The following FOXP1 variants were observed in gnomAD, a reference collection of about 807,000 sequenced individuals.
FOXP1 encodes the protein forkhead box P1.
Under a neutral mutation model 98.2 loss-of-function variants are expected in FOXP1, and 15 were observed. That is an observed-to-expected ratio of 0.15 (90% CI 0.10 to 0.24). The LOEUF (loss-of-function observed/expected upper bound fraction) is 0.24. FOXP1 is among the 10% of genes least tolerant of loss of function. The pLI is 1.00. For missense variants in FOXP1, 633 were observed against 848.5 expected (o/e 0.75, Z 3.15); for synonymous variants, 371 against 314.5 (o/e 1.18, Z -1.90).
At chr3:70,964,476 C>T (rs934982453) in intron 20 of FOXP1, among the ~76,000 whole-genome samples, 3 of 152,212 alleles carry the variant, frequency 2.0e-5, no homozygotes, top group Admixed American at 6.5e-5. Context: ...AATAGCATCA[C>T]TTCCATTCAA....
chr3:71,070,760 G>T (rs1471572245), intron 7 of FOXP1, among the ~76,000 whole-genome samples: 1 of 152,150 alleles, frequency 6.6e-6, no homozygotes, highest in African/African-American at 2.4e-5. Context: ...TCCTGTCAGT[G>T]TCAATGGGAA....
At chr3:71,464,114 C>A (rs747133989) in intron 3 of FOXP1, among the ~76,000 whole-genome samples, 1 of 152,122 alleles carries the variant, frequency 6.6e-6, no homozygotes, top group East Asian at 1.9e-4. Flanking sequence ...GCCATCTCTA[C>A]AAGAAATTTA....
chr3:71,186,646 G>T (rs1288854044), intron 6 of FOXP1, among the ~76,000 whole-genome samples: 2 of 152,210 alleles, frequency 1.3e-5, no homozygotes, highest in Non-Finnish European at 2.9e-5. Flanking sequence ...GGGAGGTGGA[G>T]GTTGCAGTGA....
At chr3:71,331,774 A>C (rs1300626697) in intron 4 of FOXP1, among the ~76,000 whole-genome samples, 1 of 152,090 alleles carries the variant, frequency 6.6e-6, no homozygotes, top group African/African-American at 2.4e-5. Context: ...GATTGTAAAT[A>C]CGCCAATCAG....
intron 6 of FOXP1, among the ~76,000 whole-genome samples, chr3:71,171,745 T>C (rs1258331306): frequency 6.6e-6 from 1 of 152,250 alleles, no homozygotes; most frequent in African/African-American, 2.4e-5. Flanking sequence ...AAAATGTGTA[T>C]GTAACAACGT....
chr3:71,269,001 A>C (rs1053565917), intron 5 of FOXP1, among the ~76,000 whole-genome samples: 1 of 152,212 alleles, frequency 6.6e-6, no homozygotes, highest in Non-Finnish European at 1.5e-5. Flanking sequence ...TGGGAAGGTA[A>C]ATGAACGTAG....
At chr3:71,261,098 G>A (rs574004284) in intron 5 of FOXP1, among the ~76,000 whole-genome samples, 5 of 152,216 alleles carry the variant, frequency 3.3e-5, no homozygotes, top group African/African-American at 7.2e-5. Context: ...AAGAGCCCCC[G>A]ATAATATAGT....
intron 5 of FOXP1, among the ~76,000 whole-genome samples, chr3:71,218,223 G>T (rs1042990074): frequency 6.6e-6 from 1 of 152,174 alleles, no homozygotes; most frequent in African/African-American, 2.4e-5. Flanking sequence ...TTTAGAATAT[G>T]ATGTAATAGG....
intron 2 of FOXP1, among the ~76,000 whole-genome samples, chr3:71,564,454 C>T (rs1214269886): frequency 6.6e-6 from 1 of 152,156 alleles, no homozygotes; most frequent in Non-Finnish European, 1.5e-5. Flanking sequence ...CCTTTTAAAC[C>T]CACACAAACA....
intron 3 of FOXP1, among the ~76,000 whole-genome samples, chr3:71,384,746 T>G (rs2080440447): frequency 6.6e-6 from 1 of 151,990 alleles, no homozygotes; most frequent in Non-Finnish European, 1.5e-5. Context: ...AGTGGTGGAG[T>G]GGGTGGCAAT....
chr3:71,519,054 T>A (rs1004590761), intron 2 of FOXP1, among the ~76,000 whole-genome samples: 2 of 152,230 alleles, frequency 1.3e-5, no homozygotes, highest in Non-Finnish European at 2.9e-5. Flanking sequence ...GAGACCAGCC[T>A]GGCCAACACG....
At chr3:71,197,619 T>G (rs985532748) in intron 6 of FOXP1, among the ~76,000 whole-genome samples, 1 of 152,186 alleles carries the variant, frequency 6.6e-6, no homozygotes, top group African/African-American at 2.4e-5. Flanking sequence ...CAGTGCTGCA[T>G]GAATACAGGG....
At position 71,481,201 on chromosome 3, in the gene FOXP1, C is replaced by CTAA. The variant is rs150508887; in HGVS notation, c.-168+12222_-168+12224dup. Among the ~76,000 whole-genome samples the CTAA allele has an allele frequency of 3.5e-3, 529 of 152,310 alleles. 2 individuals are homozygous for CTAA. Among genetic ancestry groups the CTAA allele is most frequent in the African/African-American group, 0.012 (512 of 41,560 alleles). On this transcript the variant is annotated intron_variant, in intron 3 of 20. Coordinates refer to ENST00000649528, the MANE Select transcript of FOXP1 (RefSeq NM_001349338.3). ...GTAATTTACAAAAATTTACCATGTGCTAACTCTTTTCTAATGCTTTATGTG... is the reference window on the plus strand; with the variant it reads ...GTAATTTACAAAAATTTACCATGTGCTAATAACTCTTTTCTAATGCTTTATGTG...
intron 13 of FOXP1, among the ~76,000 whole-genome samples, chr3:70,996,231 G>A (rs1192177346): frequency 3.3e-5 from 5 of 152,110 alleles, no homozygotes; most frequent in Admixed American, 6.5e-5. Context: ...TGATCTGCCC[G>A]CCTCAGCCTT....
intron 6 of FOXP1, among the ~76,000 whole-genome samples, chr3:71,152,317 C>CT (rs1253318873): frequency 1.3e-5 from 2 of 152,182 alleles, no homozygotes; most frequent in Admixed American, 1.3e-4. Context: ...CATAATCAGG[C>CT]TGACCCCCTG....
intron 6 of FOXP1, among the ~76,000 whole-genome samples, chr3:71,149,440 G>A (rs1416523509): frequency 6.6e-6 from 1 of 152,106 alleles, no homozygotes; most frequent in Non-Finnish European, 1.5e-5. Context: ...AGCATTATGT[G>A]CTAACTAGCT....
At chr3:71,030,925 T>A (rs2106655145) in intron 11 of FOXP1, among the ~76,000 whole-genome samples, 1 of 152,336 alleles carries the variant, frequency 6.6e-6, no homozygotes, top group Non-Finnish European at 1.5e-5. Flanking sequence ...GGGGCTCATA[T>A]GTACCACAAT....
chr3:71,312,196 T>C (rs561595379), intron 4 of FOXP1, among the ~76,000 whole-genome samples: 1 of 152,256 alleles, frequency 6.6e-6, no homozygotes, highest in Admixed American at 6.5e-5. Context: ...AAAAAGAACG[T>C]TAACACTCCT....
chr3:71,500,821 C>T (rs2041280537), intron 2 of FOXP1, among the ~76,000 whole-genome samples: 1 of 152,192 alleles, frequency 6.6e-6, no homozygotes, highest in South Asian at 2.1e-4. Flanking sequence ...ATTCCAAGAT[C>T]CATGGAAACC....
Sources: allele counts gnomAD v4.1 joint callset (sites outside exome capture counted in the v4.1 genomes callset), GRCh38; gene constraint gnomAD v4.1.1; transcripts MANE v1.5; gene names NCBI Gene and HGNC (gene_info 2026-07-23, HGNC 2026-07-21).